Variants in ARID5B observed in about 807,000 individuals in gnomAD.
ARID5B encodes the protein AT-rich interaction domain 5B.
ARID5B carries 13 observed loss-of-function variants against 97.2 expected under a neutral mutation model. The ratio of observed to expected loss-of-function variants is 0.13; its 90% CI spans 0.09 to 0.21. ARID5B has a LOEUF of 0.21. ARID5B is among the 10% of genes least tolerant of loss of function. The pLI, the probability that ARID5B is intolerant of heterozygous loss-of-function variation, is 1.00. For synonymous variants in ARID5B, 556 were observed against 570.3 expected (o/e 0.97, Z 0.36); for missense variants, 1,210 against 1,465.3 (o/e 0.83, Z 2.84).
rs751487850 is a variant in ARID5B, at chr10:62,092,523, C to T, written c.3060C>T (p.Asp1020=). ...TCAAGCGCAGCCTGGAGGATTTGGA[C>T]CTTGTGATTGCAGGGAAAAAGGCCC... ...RPIKRSLEDL[D]LVIAGKKARA... is the part of the protein sequence containing the mutation. The change falls in exon 10 of 10, where the codon GAC becomes GAT. Residue 1020 remains aspartate, a synonymous_variant. Coordinates refer to ENST00000279873, the MANE Select transcript of ARID5B (RefSeq NM_032199.3). 2.5e-6 allele frequency: 4 copies of T among 1,614,148 alleles called. No homozygotes were observed. The South Asian group carries it at 3.3e-5, about 13-fold the overall frequency.
intron 3 of ARID5B, among the ~76,000 whole-genome samples, chr10:61,976,022 G>A (rs924939864): frequency 9.9e-5 from 15 of 152,210 alleles, no homozygotes; most frequent in Admixed American, 9.8e-4. Context: ...TTTAATACAT[G>A]TCAGACAGGG....
chr10:62,036,428 A>G (rs1381818891), intron 4 of ARID5B, among the ~76,000 whole-genome samples: 1 of 152,050 alleles, frequency 6.6e-6, no homozygotes, highest in Non-Finnish European at 1.5e-5. Flanking sequence ...TTGACGCCCA[A>G]TGCCAGAGCA....
At chr10:62,060,646 TA>T (rs887742923) in intron 7 of ARID5B, among the ~76,000 whole-genome samples, 6 of 151,154 alleles carry the variant, frequency 4.0e-5, no homozygotes, top group South Asian at 2.1e-4. Flanking sequence ...CTCATTCATG[TA>T]AAAAAAAATG....
chr10:61,974,643 T>G (rs1475733443), intron 3 of ARID5B, among the ~76,000 whole-genome samples: 3 of 152,210 alleles, frequency 2.0e-5, no homozygotes, highest in Non-Finnish European at 4.4e-5. Flanking sequence ...TTTGAGACGG[T>G]CTCATTTATA....
chr10:62,092,616 T>C lies in ARID5B; in HGVS notation c.3153T>C (p.Ser1051=). ...AGGAGAAGGCCTCTGAGCAGGAGAG[T>C]GAAGGCAGCAAAGCAGCGCACGGTG... ...SGKEKASEQE[S]EGSKAAHGGH... The change falls in exon 10 of 10, where the codon AGT becomes AGC. Residue 1051 remains serine (S), a synonymous_variant. Transcript: ENST00000279873. The C allele has an allele frequency of 6.2e-7, 1 of 1,613,870 alleles. No individual in the cohort carries two copies. Among genetic ancestry groups the C allele is most frequent in the Non-Finnish European group, 8.5e-7 (1 of 1,179,950 alleles).
chr10:61,971,251 A>G (rs184591291), intron 3 of ARID5B, among the ~76,000 whole-genome samples: 14 of 152,306 alleles, frequency 9.2e-5, no homozygotes, highest in African/African-American at 3.4e-4. Flanking sequence ...TTGTAATTGA[A>G]TAGTAATTCT....
In ARID5B at chr10:62,093,651, CTTTTTTT is replaced by C. The variant is rs57902062; in HGVS notation, c.*642_*648del. 3.0e-4 allele frequency: 26 copies of C among 86,982 alleles called. No homozygotes were observed. Among genetic ancestry groups the C allele is most frequent in the African/African-American group, 1.3e-3 (16 of 12,586 alleles). The allele number at this position is 86,982 out of a possible 1,614,324, so 5.4% of individuals were successfully genotyped here. On this transcript the variant is annotated 3_prime_UTR_variant, in exon 10 of 10. Coordinates refer to ENST00000279873, the MANE Select transcript of ARID5B (RefSeq NM_032199.3). ...CCATTTTCTCCCAGTTCCTTCTCGT[CTTTTTTT>C]TTTTTTTTTTTTTTTTTTTTATTAA...
chr10:62,085,978 A>C, intron 9 of ARID5B, 78 bp downstream of exon 9: 1 of 1,452,614 alleles, frequency 6.9e-7, no homozygotes, highest in Non-Finnish European at 9.3e-7. Context: ...CTGAATCCAC[A>C]GCTGTGTCCC....
intron 4 of ARID5B, chr10:62,049,519 G>C: frequency 6.5e-7 from 1 of 1,550,318 alleles, no homozygotes; most frequent in Non-Finnish European, 8.7e-7. Flanking sequence ...ATTTTTGTTT[G>C]TGAGCTTGTT....
At chr10:61,990,485 A>G (rs1838908899) in intron 3 of ARID5B, among the ~76,000 whole-genome samples, 1 of 152,190 alleles carries the variant, frequency 6.6e-6, no homozygotes, top group African/African-American at 2.4e-5. Context: ...CCTGTGGTGA[A>G]CTAATGAAAT....
At position 61,938,671 on chromosome 10, in the gene ARID5B, G is replaced by T. The variant is rs776573477; in HGVS notation, c.277-1512G>T. On this transcript the variant is annotated intron_variant, in intron 2 of 9. Coordinates refer to ENST00000279873, the MANE Select transcript of ARID5B (RefSeq NM_032199.3). ...AAAGTACTCAAATTTTTTCTTGAGCGCACGATAGAAACACAGTTTCCACTT... is the reference window on the plus strand; with the variant it reads ...AAAGTACTCAAATTTTTTCTTGAGCTCACGATAGAAACACAGTTTCCACTT... 2.6e-5 allele frequency among the ~76,000 whole-genome samples: 4 copies of T among 152,024 alleles called. No individual in the cohort carries two copies. The East Asian group carries it at 7.7e-4, about 29-fold the overall frequency.
At chr10:62,088,699 T>C (rs1030435221) in intron 9 of ARID5B, among the ~76,000 whole-genome samples, 1 of 152,244 alleles carries the variant, frequency 6.6e-6, no homozygotes, top group African/African-American at 2.4e-5. Flanking sequence ...CATAGAACCA[T>C]GTTATTAGCC....
intron 3 of ARID5B, among the ~76,000 whole-genome samples, chr10:61,979,668 A>C (rs916305316): frequency 5.9e-5 from 9 of 152,222 alleles, no homozygotes; most frequent in African/African-American, 2.2e-4. Context: ...TCTACCCTCT[A>C]TCCAGGTCTG....
At chr10:61,939,213 AGAAAT>A (rs1844357954) in intron 2 of ARID5B, among the ~76,000 whole-genome samples, 1 of 152,186 alleles carries the variant, frequency 6.6e-6, no homozygotes, top group Non-Finnish European at 1.5e-5. Context: ...GTGAAATAAA[AGAAAT>A]GAAAGAAGTC....
chr10:61,951,342 G>A (rs1838322132), intron 3 of ARID5B, among the ~76,000 whole-genome samples: 1 of 152,134 alleles, frequency 6.6e-6, no homozygotes. Flanking sequence ...TGGATGAAGT[G>A]GTATTGCTTC....
At chr10:61,943,434 A>G (rs1379961151) in intron 3 of ARID5B, among the ~76,000 whole-genome samples, 1 of 151,716 alleles carries the variant, frequency 6.6e-6, no homozygotes, top group Non-Finnish European at 1.5e-5. Context: ...CATTGTTCTT[A>G]CCAAAGAAAG....
intron 4 of ARID5B, among the ~76,000 whole-genome samples, chr10:62,031,085 T>C (rs1465879448): frequency 2.0e-5 from 3 of 152,096 alleles, no homozygotes; most frequent in African/African-American, 7.2e-5. Flanking sequence ...AATACAAAAA[T>C]TAGCCTGTCA....
chr10:61,939,124 T>G (rs1478060811), intron 2 of ARID5B, among the ~76,000 whole-genome samples: 1 of 152,116 alleles, frequency 6.6e-6, no homozygotes, highest in Non-Finnish European at 1.5e-5. Context: ...TTGAGACATC[T>G]TCCTGTTGTT....
chr10:61,905,923 G>A (rs1843700042), intron 2 of ARID5B, among the ~76,000 whole-genome samples: 2 of 152,132 alleles, frequency 1.3e-5, no homozygotes, highest in African/African-American at 2.4e-5. Flanking sequence ...ATACACCAAT[G>A]CCTTCATATA....
Sources: gnomAD v4.1 joint callset for allele counts (sites outside exome capture counted in the v4.1 genomes callset) on GRCh38, gnomAD v4.1.1 for gene constraint, MANE v1.5 for transcripts, NCBI Gene and HGNC (gene_info 2026-07-23, HGNC 2026-07-21) for gene names.